The following NCOA6 variants were observed in gnomAD, a reference collection of about 807,000 sequenced individuals.
The protein encoded by NCOA6 is NRC RAP250.
A neutral mutation model predicts 171.4 loss-of-function variants in NCOA6; 49 were observed. The observed-to-expected ratio is 0.29, with a 90% confidence interval of 0.23 to 0.36. The LOEUF is 0.36. NCOA6 is among the 10% of genes least tolerant of loss of function. The pLI, the probability that NCOA6 is intolerant of heterozygous loss-of-function variation, is 1.00. For synonymous variants in NCOA6, 910 were observed against 927.5 expected, an observed-to-expected ratio of 0.98 and a Z score of 0.34; for missense variants, 2,248 against 2,554.5, an observed-to-expected ratio of 0.88 and a Z score of 2.59.
intron 14 of NCOA6, among the ~76,000 whole-genome samples, chr20:34,721,252 A>C (rs1195023703): frequency 6.7e-6 from 1 of 149,592 alleles, no homozygotes; most frequent in Non-Finnish European, 1.5e-5. Context: ...AAAAAAAAAA[A>C]AAAAAAAAAA....
rs1473144709 is a variant in NCOA6 at position 34,727,711 on chromosome 20, ATTTTC to A, written c.6000-309_6000-305del. Among the ~76,000 whole-genome samples the A allele has an allele frequency of 2.9e-4, 43 of 148,772 alleles. No individual in the cohort carries two copies. In the East Asian group the frequency reaches 5.7e-3, roughly 20 times the overall value. ...ACAAAACTCCCCTAATTCCTCACCCATTTTCTTTTCTTTTCTTTTTTTTTTTTTTC... is the reference window on the plus strand; with the variant it reads ...ACAAAACTCCCCTAATTCCTCACCCATTTTCTTTTCTTTTTTTTTTTTTTC... On this transcript the variant is annotated intron_variant, in intron 13 of 14. Transcript: ENST00000359003.
At chr20:34,735,188 G>A (rs1442482065) in intron 12 of NCOA6, among the ~76,000 whole-genome samples, 2 of 152,078 alleles carry the variant, frequency 1.3e-5, no homozygotes, top group African/African-American at 4.8e-5. Flanking sequence ...GTAGGGTTGG[G>A]GCAGGAAATG....
intron 1 of NCOA6, among the ~76,000 whole-genome samples, chr20:34,801,993 C>T (rs2078271103): frequency 6.6e-6 from 1 of 152,196 alleles, no homozygotes; most frequent in Non-Finnish European, 1.5e-5. Context: ...AATTCCAATC[C>T]TACTCGACCT....
intron 1 of NCOA6, among the ~76,000 whole-genome samples, chr20:34,809,068 G>A (rs1194340863): frequency 6.6e-6 from 1 of 152,114 alleles, no homozygotes; most frequent in Non-Finnish European, 1.5e-5. Flanking sequence ...TCAGAGAGAA[G>A]GCCAAATAAA....
At chr20:34,722,368 G>C (rs1443980976) in intron 14 of NCOA6, among the ~76,000 whole-genome samples, 2 of 151,584 alleles carry the variant, frequency 1.3e-5, no homozygotes, top group African/African-American at 4.8e-5. Flanking sequence ...GCGATGGAGT[G>C]AGACTCCGTC....
At chr20:34,776,679 T>C (rs566582795) in intron 3 of NCOA6, 2 of 640,528 alleles carry the variant, frequency 3.1e-6, no homozygotes, top group African/African-American at 3.6e-5. Flanking sequence ...TCTTTTTCTT[T>C]TCTAAAACTA....
chr20:34,751,376 C>CAAAA lies in NCOA6; in HGVS notation c.1676-861_1676-858dup, dbSNP rs35848122. The stretch of plus-strand genomic sequence containing the variant: ...TGGGCGACAGAGCAAGACTCCGTCT[C>CAAAA]AAAAAAAAAAAAAAAAAAAAGAATG... On this transcript the variant is annotated intron_variant, in intron 8 of 14. Transcript: ENST00000359003. 9.9e-3 allele frequency among the ~76,000 whole-genome samples: 676 copies of CAAAA among 68,182 alleles called. 48 individuals carry two copies. Among genetic ancestry groups the CAAAA allele is most frequent in the Non-Finnish European group, 0.015 (533 of 35,918 alleles). 44.7% of individuals were successfully genotyped at this position (68,182 alleles called of 152,430 possible).
intron 4 of NCOA6, 58 bp downstream of exon 4, chr20:34,776,235 C>T (rs1310060208): frequency 1.3e-6 from 2 of 1,552,990 alleles, no homozygotes; most frequent in Non-Finnish European, 1.7e-6. Context: ...GAAAATCATG[C>T]TATATTCTAC....
chr20:34,739,004 G>A (rs2145512077), intron 11 of NCOA6: 2 of 447,024 alleles, frequency 4.5e-6, no homozygotes. Context: ...CTCTAGCAGT[G>A]TGTGACTGAC....
chr20:34,752,858 G>A (rs1353097684), intron 8 of NCOA6, among the ~76,000 whole-genome samples: 1 of 149,014 alleles, frequency 6.7e-6, no homozygotes, highest in African/African-American at 2.5e-5. Flanking sequence ...AGGCCGCAGT[G>A]AGCCGAGACT....
At chr20:34,779,872 G>A (rs750720891) in intron 3 of NCOA6, among the ~76,000 whole-genome samples, 3 of 152,100 alleles carry the variant, frequency 2.0e-5, no homozygotes, top group Non-Finnish European at 2.9e-5. Context: ...AAAGGAATGA[G>A]ATAACACAAT....
At chr20:34,817,584 T>C (rs1037662414) in intron 1 of NCOA6, among the ~76,000 whole-genome samples, 1 of 152,170 alleles carries the variant, frequency 6.6e-6, no homozygotes, top group East Asian at 1.9e-4. Flanking sequence ...TAACTCAGAA[T>C]GTTTATTGAG....
intron 10 of NCOA6, among the ~76,000 whole-genome samples, chr20:34,744,841 A>G (rs1266673901): frequency 2.6e-5 from 4 of 152,308 alleles, no homozygotes; most frequent in Middle Eastern, 3.4e-3. Context: ...AATTGCTACA[A>G]AAGCCTGTTG....
intron 12 of NCOA6, among the ~76,000 whole-genome samples, chr20:34,734,114 C>T (rs1480398834): frequency 6.6e-6 from 1 of 152,106 alleles, no homozygotes; most frequent in South Asian, 2.1e-4. Context: ...CACTCTGTCC[C>T]CCAGGCTGGG....
chr20:34,792,014 A>AT (rs1442063389), intron 2 of NCOA6, among the ~76,000 whole-genome samples: 1 of 152,200 alleles, frequency 6.6e-6, no homozygotes, highest in African/African-American at 2.4e-5. Context: ...AAATTTCAAG[A>AT]TAAAAACAGT....
intron 1 of NCOA6, among the ~76,000 whole-genome samples, chr20:34,812,251 TAA>T (rs79146528): frequency 7.2e-6 from 1 of 138,906 alleles, no homozygotes; most frequent in Non-Finnish European, 1.6e-5. Context: ...GACTCTGTCT[TAA>T]AAAAAAAAAA....
At chr20:34,768,068 C>T (rs2077033537) in intron 5 of NCOA6, among the ~76,000 whole-genome samples, 1 of 152,188 alleles carries the variant, frequency 6.6e-6, no homozygotes, top group African/African-American at 2.4e-5. Flanking sequence ...CACATAAGCA[C>T]ACAAGAACTC....
intron 5 of NCOA6, among the ~76,000 whole-genome samples, chr20:34,766,041 G>A (rs1600922267): frequency 6.6e-6 from 1 of 152,142 alleles, no homozygotes; most frequent in Non-Finnish European, 1.5e-5. Flanking sequence ...TCTTTCCCTA[G>A]AAAAATTTAG....
chr20:34,749,676 C>A lies in NCOA6; in HGVS notation c.2519G>T (p.Ser840Ile). The change falls in exon 9 of 15, where the codon AGT (serine) becomes ATT (isoleucine). Residue 840 changes from serine (S) to isoleucine (I), a missense_variant. Around this residue, in one of 7 missense-constraint regions of NCOA6, gnomAD observed 987 missense variants for 1,104.7 expected, o/e 0.89. Coordinates refer to ENST00000359003, the MANE Select transcript of NCOA6 (RefSeq NM_014071.5). ...GCCTGAGAAGTGGTTTCCCGAGGCACTGTTTCCCTGCATGGCCTGCACATG... is the reference window on the plus strand; with the variant it reads ...GCCTGAGAAGTGGTTTCCCGAGGCAATGTTTCCCTGCATGGCCTGCACATG... ...PPHVQAMQGN[S>I]ASGNHFSGHG... The A allele has an allele frequency of 3.1e-6, 5 of 1,614,174 alleles. No individual in the cohort carries two copies. The highest frequency in any genetic ancestry group is 4.2e-6 in the Non-Finnish European group (5 of 1,180,016).
Sources: gnomAD v4.1 joint callset for allele counts (sites outside exome capture counted in the v4.1 genomes callset) on GRCh38, gnomAD v4.1.1 for gene constraint, gnomAD v4.1.1 regional missense constraint, MANE v1.5 for transcripts, NCBI Gene and HGNC (gene_info 2026-07-23, HGNC 2026-07-21) for gene names.